ADAMTS14: variants seen among roughly 807,000 people sequenced by gnomAD.
ADAMTS14 encodes A disintegrin and metalloproteinase with thrombospondin motifs 14.
A neutral mutation model predicts 128.6 loss-of-function variants in ADAMTS14; 100 were observed. The observed-to-expected ratio is 0.78, with a 90% CI of 0.66 to 0.92. The LOEUF (loss-of-function observed/expected upper bound fraction) is 0.92. Ranked by LOEUF, ADAMTS14 falls within the 40% of genes least tolerant of loss-of-function variation. The pLI is 0.00. For synonymous variants in ADAMTS14, 665 were observed against 653.8 expected (o/e 1.02, Z -0.26); for missense variants, 1,562 against 1,658.6 (o/e 0.94, Z 1.01).
At chr10:70,752,720 G>A (rs979267796) in intron 18 of ADAMTS14, among the ~76,000 whole-genome samples, 5 of 152,190 alleles carry the variant, frequency 3.3e-5, no homozygotes, top group Non-Finnish European at 4.4e-5. Flanking sequence ...AGAGGGCATC[G>A]CCCATCCTCC....
At position 70,673,264 on chromosome 10, in the gene ADAMTS14, G is replaced by GGTGTGT. The variant is rs144103256; in HGVS notation, c.82+393_82+398dup. ...AACTTGTGTGAGCATGGGTGCAAGG[G>GGTGTGT]GTGTGTGTGTGTGTGTGTCTGTGTG... On this transcript the variant is annotated intron_variant, in intron 1 of 21. Coordinates refer to ENST00000373207, the MANE Select transcript of ADAMTS14 (RefSeq NM_080722.4). Among the ~76,000 whole-genome samples the GGTGTGT allele has an allele frequency of 3.3e-3, 411 of 123,022 alleles. 3 individuals carry two copies. The highest frequency in any genetic ancestry group is 9.9e-3 in the African/African-American group (388 of 39,308). The allele number at this position is 123,022 out of a possible 152,430, so 80.7% of individuals were successfully genotyped here. A position where few individuals can be genotyped will look rare whatever the true frequency, so the allele number is the denominator to read the frequency against.
chr10:70,727,410 G>A (rs1841473683), intron 4 of ADAMTS14, among the ~76,000 whole-genome samples: 2 of 152,354 alleles, frequency 1.3e-5, no homozygotes, highest in South Asian at 2.1e-4. Flanking sequence ...ATGGCTGAAG[G>A]GCATGGGGAG....
chr10:70,751,432 C>T (rs1194138494), intron 16 of ADAMTS14, 46 bp from the exon 17 acceptor site: 2 of 1,578,146 alleles, frequency 1.3e-6, no homozygotes, highest in Non-Finnish European at 8.7e-7. Flanking sequence ...GCATGCCGCC[C>T]TTGCTTCTTT....
Position 70,744,163 on chromosome 10 carries a change from C to T in ADAMTS14, c.2156C>T (p.Thr719Met), listed in dbSNP as rs369192944. ...TCCCACTGCAGGACTGTGAAGGGGA[C>T]GCTGGGCAAGGCCTCCAAGCAGGCA... ...DNSHCRTVKGTLGKASKQAGA... is the reference protein window; with the variant it reads ...DNSHCRTVKGMLGKASKQAGA... The change falls in exon 14 of 22, where the codon ACG becomes ATG. Residue 719 changes from threonine (T) to methionine (M), a missense_variant. By Grantham distance (81) the Thr-to-Met change is moderately conservative (BLOSUM62 -1). Transcript: ENST00000373207. 110 of 1,542,232 alleles carry T rather than the reference C, an allele frequency of 7.1e-5. No homozygotes were observed. Among genetic ancestry groups the T allele is most frequent in the Admixed American group, 1.2e-4 (6 of 50,818 alleles).
Position 70,706,195 on chromosome 10 carries a change from C to T in ADAMTS14, c.680-2393C>T, listed in dbSNP as rs190387587. On this transcript the variant is annotated intron_variant, in intron 3 of 21. Transcript: ENST00000373207. ...AAGGCTGATGCTGGCTGGTCCTCCC[C>T]AATTCCCCAGAAAGTCTGCAGAGAG... Among the ~76,000 whole-genome samples, 21 of 152,322 alleles carry T rather than the reference C, an allele frequency of 1.4e-4. No individual in the cohort carries two copies. The East Asian group carries it at 4.1e-3, about 29-fold the overall frequency.
intron 13 of ADAMTS14, 60 bp from the exon 14 acceptor site, chr10:70,744,006 C>G: frequency 6.5e-7 from 1 of 1,533,248 alleles, no homozygotes; most frequent in Non-Finnish European, 8.8e-7. Context: ...GGAATGGGAG[C>G]CCCGGGGTGG....
At chr10:70,687,314 G>A (rs1840003355) in intron 2 of ADAMTS14, among the ~76,000 whole-genome samples, 1 of 103,778 alleles carries the variant, frequency 9.6e-6, no homozygotes, top group Admixed American at 1.1e-4. Context: ...TCCTGGACAG[G>A]GCGGCTGGCC....
chr10:70,705,066 T>C (rs1221947495), intron 3 of ADAMTS14, among the ~76,000 whole-genome samples: 1 of 152,120 alleles, frequency 6.6e-6, no homozygotes, highest in Non-Finnish European at 1.5e-5. Flanking sequence ...CATGCTCATA[T>C]ACACATACTC....
intron 8 of ADAMTS14, among the ~76,000 whole-genome samples, chr10:70,734,470 G>A (rs1189094433): frequency 4.6e-5 from 7 of 151,834 alleles, no homozygotes; most frequent in Non-Finnish European, 2.9e-5. Flanking sequence ...GCCCGGGATC[G>A]ACTTCTCAAT....
At chr10:70,721,447 GCGATCTCAGCTCACTGCAAGCT>G (rs1841261490) in intron 4 of ADAMTS14, among the ~76,000 whole-genome samples, 1 of 151,380 alleles carries the variant, frequency 6.6e-6, no homozygotes, top group Non-Finnish European at 1.5e-5. Context: ...GTGCAGTGGT[GCGATCTCAGCTCACTGCAAGCT>G]CTGCCTCCCA....
chr10:70,690,854 C>T lies in ADAMTS14; in HGVS notation c.523-11458C>T, dbSNP rs544080755. On this transcript the variant is annotated intron_variant, in intron 2 of 21. Transcript: ENST00000373207. ...GCCTGGCAGCCACACCGCCTGCTGGCACTTGAGGGCTGCTTCCTGTCTCTT... is the reference window on the plus strand; with the variant it reads ...GCCTGGCAGCCACACCGCCTGCTGGTACTTGAGGGCTGCTTCCTGTCTCTT... Among the ~76,000 whole-genome samples the T allele has an allele frequency of 3.1e-4, 45 of 145,320 alleles. 5 individuals carry two copies. The highest frequency in any genetic ancestry group is 2.1e-3 in the Admixed American group (31 of 14,684).
At chr10:70,740,473 G>A (rs1370957251) in intron 11 of ADAMTS14, among the ~76,000 whole-genome samples, 3 of 152,222 alleles carry the variant, frequency 2.0e-5, no homozygotes, top group African/African-American at 7.2e-5. Flanking sequence ...AGGCTAAGTG[G>A]CCTGGCCAAG....
Position 70,704,806 on chromosome 10 carries a change from C to T in ADAMTS14, c.679+2338C>T, listed in dbSNP as rs1202685351. Among the ~76,000 whole-genome samples, 3 of 151,748 alleles carry T rather than the reference C, an allele frequency of 2.0e-5. No individual in the cohort carries two copies. The East Asian group carries it at 5.8e-4, about 30-fold the overall frequency. On this transcript the variant is annotated intron_variant, in intron 3 of 21. Transcript: ENST00000373207. ...ACACCCACACTCACACATAGACACA[C>T]ACCATCTATACCCTCATGCTCACAC...
chr10:70,710,646 T>G (rs1487848991), intron 4 of ADAMTS14, among the ~76,000 whole-genome samples: 2 of 152,254 alleles, frequency 1.3e-5, no homozygotes, highest in African/African-American at 4.8e-5. Context: ...GGCCCCTTCC[T>G]GTCTTTGTGA....
rs1421012525 is a variant in ADAMTS14, at chr10:70,702,477, T to C, written c.679+9T>C. On this transcript the variant is annotated intron_variant, in intron 3 of 21. Transcript: ENST00000373207. ...GGACCTGCACAATGAAGGTAGGCTG[T>C]AGGTAGGGGCCTGTGTGCTGCTTCT... 6.3e-7 allele frequency: 1 copy of C among 1,595,724 alleles called. No individual in the cohort carries two copies. Among genetic ancestry groups the C allele is most frequent in the Non-Finnish European group, 8.5e-7 (1 of 1,170,928 alleles).
chr10:70,743,762 T>A, intron 13 of ADAMTS14, 81 bp downstream of exon 13: 2 of 1,457,894 alleles, frequency 1.4e-6, no homozygotes, highest in Non-Finnish European at 1.8e-6. Context: ...CCTGGGAAGA[T>A]GAGCATTGCC....
At chr10:70,686,441 A>G (rs1291650088) in intron 2 of ADAMTS14, among the ~76,000 whole-genome samples, 1 of 106,286 alleles carries the variant, frequency 9.4e-6, no homozygotes, top group East Asian at 2.6e-4. Flanking sequence ...GGCCTTCCGC[A>G]GTGTTTGTGT....
At chr10:70,684,155 G>GA (rs1839890991) in intron 2 of ADAMTS14, among the ~76,000 whole-genome samples, 1 of 151,942 alleles carries the variant, frequency 6.6e-6, no homozygotes, top group Non-Finnish European at 1.5e-5. Context: ...GAGAGCAGGG[G>GA]AGGGGGGTGC....
intron 2 of ADAMTS14, among the ~76,000 whole-genome samples, chr10:70,688,678 C>T: frequency 8.8e-6 from 1 of 113,884 alleles, no homozygotes; most frequent in Non-Finnish European, 2.0e-5. Flanking sequence ...CTGGCCCGGC[C>T]AACACAGCGA....
Sources: allele counts gnomAD v4.1 joint callset (sites outside exome capture counted in the v4.1 genomes callset), GRCh38; gene constraint gnomAD v4.1.1; transcripts MANE v1.5; gene names NCBI Gene and HGNC (gene_info 2026-07-23, HGNC 2026-07-21).